Variants in LGALS1 observed in about 807,000 individuals in gnomAD.
LGALS1 encodes galectin-1.
Under a neutral mutation model 14.4 loss-of-function variants are expected in LGALS1, and 14 were observed. The ratio of observed to expected loss-of-function variants is 0.97; its 90% CI spans 0.64 to 1.52. The LOEUF (loss-of-function observed/expected upper bound fraction) is 1.52. Among genes scored for constraint, LGALS1 ranks in the 40% most tolerant of loss-of-function variants. The pLI, the probability that LGALS1 is intolerant of heterozygous loss-of-function variation, is 0.00. For missense variants in LGALS1, 170 were observed against 181.4 expected, an observed-to-expected ratio of 0.94 and a Z score of 0.36; for synonymous variants, 71 against 73.4, an observed-to-expected ratio of 0.97 and a Z score of 0.17.
chr22:37,679,405 T>G (rs1921555526), intron 3 of LGALS1, among the ~76,000 whole-genome samples, 198 bp from the exon 4 acceptor site: 1 of 149,056 alleles, frequency 6.7e-6, no homozygotes, highest in African/African-American at 2.5e-5. Context: ...TACTCCAGCC[T>G]GGGCGACAGA....
At chr22:37,679,561 C>A in intron 3 of LGALS1, 42 bp from the exon 4 acceptor site, 4 of 1,534,992 alleles carry the variant, frequency 2.6e-6, no homozygotes, top group Non-Finnish European at 3.5e-6. Context: ...TGGAAGGGCC[C>A]ATGGCATGTG....
intron 1 of LGALS1, 143 bp from the exon 2 acceptor site, chr22:37,676,843 A>G (rs756439699): frequency 9.9e-6 from 8 of 810,320 alleles, no homozygotes; most frequent in African/African-American, 1.7e-5. Flanking sequence ...TTACAGCTCA[A>G]TCCTTTCCCC....
intron 1 of LGALS1, chr22:37,676,232 G>GT (rs1921422886): frequency 6.5e-6 from 1 of 152,746 alleles, no homozygotes; most frequent in Non-Finnish European, 1.5e-5. Context: ...TGGCGGGGGG[G>GT]GCGGGGGAAA....
intron 2 of LGALS1, 169 bp from the exon 3 acceptor site, chr22:37,678,314 G>C (rs1379771226): frequency 5.3e-6 from 4 of 753,750 alleles, no homozygotes; most frequent in Admixed American, 4.0e-5. Context: ...GCAAACAGGG[G>C]AAGAGGGGCA....
chr22:37,678,694 TGGGTGGGCTGG>T, intron 3 of LGALS1, 40 bp downstream of exon 3: 1 of 136,620 alleles, frequency 7.3e-6, no homozygotes, highest in Non-Finnish European at 1.4e-5. Flanking sequence ...GGACAGGGGC[TGGGTGGGCTGG>T]GGCGGGGCTG....
At chr22:37,678,282 G>T in intron 2 of LGALS1, 1 of 709,592 alleles carries the variant, frequency 1.4e-6, no homozygotes. Context: ...GCCCTCCTGT[G>T]CAGCCCCCAT....
intron 2 of LGALS1, chr22:37,677,291 G>A (rs1358703982): frequency 5.4e-6 from 3 of 560,468 alleles, no homozygotes; most frequent in African/African-American, 3.8e-5. Flanking sequence ...AACTAAACCA[G>A]CTGCAGCCTC....
intron 1 of LGALS1, 142 bp downstream of exon 1, chr22:37,675,853 GC>G: frequency 1.5e-6 from 1 of 660,722 alleles, no homozygotes; most frequent in Non-Finnish European, 2.4e-6. Context: ...GACCTCAGTG[GC>G]CACATCTGTA....
intron 1 of LGALS1, 177 bp from the exon 2 acceptor site, chr22:37,676,809 A>G: frequency 1.4e-6 from 1 of 716,526 alleles, no homozygotes; most frequent in Non-Finnish European, 2.6e-6. Context: ...TCCCAGGACC[A>G]CATAGACAAT....
At chr22:37,676,828 G>C (rs750925318) in intron 1 of LGALS1, 158 bp from the exon 2 acceptor site, 57 of 766,048 alleles carry the variant, frequency 7.4e-5, no homozygotes. Context: ...ATCGGAGGCT[G>C]GAAATTACAG....
In LGALS1 at chr22:37,675,687, C is replaced by G. The variant is rs780208304; in HGVS notation, c.-16C>G. The G allele has an allele frequency of 1.3e-6, 2 of 1,549,360 alleles. No individual in the cohort carries two copies. The highest frequency in any genetic ancestry group is 2.4e-5 in the South Asian group (2 of 83,844). On this transcript the variant is annotated 5_prime_UTR_variant, in exon 1 of 4. In the 5' UTR this introduces an upstream ATG that the reference lacks. Coordinates refer to ENST00000215909, the MANE Select transcript of LGALS1 (RefSeq NM_002305.4). ...AGCTGGTGCGCCTGCCCGGGAACAT[C>G]CTCCTGGACTCAATCATGGCTTGTG...
intron 2 of LGALS1, chr22:37,677,279 T>C: frequency 1.7e-6 from 1 of 578,952 alleles, no homozygotes; most frequent in Non-Finnish European, 3.1e-6. Flanking sequence ...TGTAGCCTCT[T>C]AAACTAAACC....
At chr22:37,677,116 A>T (rs1267283034) in intron 2 of LGALS1, 51 bp downstream of exon 2, 1 of 1,579,806 alleles carries the variant, frequency 6.3e-7, no homozygotes, top group Admixed American at 1.7e-5. Context: ...TTGGTCCAGC[A>T]GGGAGGGCGT....
rs370290813 is a variant in LGALS1, at chr22:37,678,538, C to T, written c.145C>T (p.Arg49Cys). ...CAACCTGTGCCTGCACTTCAACCCT[C>T]GCTTCAACGCCCACGGCGACGCCAA... ...SNNLCLHFNP[R>C]FNAHGDANTI... Residue 49 changes from arginine (R) to cysteine (C), a missense_variant, in exon 3 of 4, where the codon CGC becomes TGC. Transcript: ENST00000215909. The T allele has an allele frequency of 1.5e-5, 24 of 1,613,652 alleles. 1 individual carries two copies. The highest frequency in any genetic ancestry group is 8.0e-5 in the African/African-American group (6 of 75,072).
rs1296490309 is a variant in LGALS1 at position 37,675,835 on chromosome 22, C to A, written c.9+124C>A. The stretch of plus-strand genomic sequence containing the variant: ...GTGTGGCCTGGAACCAGTGCCTTCT[C>A]TTTTCTGGACCTCAGTGGCCACATC... On this transcript the variant is annotated intron_variant, in intron 1 of 3. Coordinates refer to ENST00000215909, the MANE Select transcript of LGALS1 (RefSeq NM_002305.4). The A allele has an allele frequency of 3.6e-6, 3 of 828,802 alleles. No homozygotes were observed. In the East Asian group the frequency reaches 9.6e-5, roughly 26 times the overall value. 51.3% of individuals were successfully genotyped at this position (828,802 alleles called of 1,614,324 possible).
chr22:37,678,269 C>T lies in LGALS1; in HGVS notation c.90-214C>T, dbSNP rs557724924. Reference sequence around the variant, plus strand: ...GATGCTAATGACTTCAAGAATCAAGCGAGCCCTCCTGTGCAGCCCCCATTG... The same window carrying T: ...GATGCTAATGACTTCAAGAATCAAGTGAGCCCTCCTGTGCAGCCCCCATTG... On this transcript the variant is annotated intron_variant, in intron 2 of 3. Coordinates refer to ENST00000215909, the MANE Select transcript of LGALS1 (RefSeq NM_002305.4). The T allele has an allele frequency of 8.6e-5, 59 of 689,706 alleles. No individual in the cohort carries two copies. In the East Asian group the frequency reaches 1.6e-3, roughly 19 times the overall value. 42.7% of individuals were successfully genotyped at this position (689,706 alleles called of 1,614,324 possible). A position where few individuals can be genotyped will look rare whatever the true frequency, so the allele number is the denominator to read the frequency against.
Position 37,677,037 on chromosome 22 carries a change from C to A in LGALS1, c.61C>A (p.Arg21=). The A allele has an allele frequency of 6.2e-7, 1 of 1,614,006 alleles. No individual in the cohort carries two copies. Among genetic ancestry groups the A allele is most frequent in the Non-Finnish European group, 8.5e-7 (1 of 1,179,982 alleles). ...NLKPGECLRV[R]GEVAPDAKSF... is the part of the protein sequence containing the mutation. Reference sequence around the variant, plus strand: ...CAAACCTGGAGAGTGCCTTCGAGTGCGAGGCGAGGTGGCTCCTGACGCTAA... The same window carrying A: ...CAAACCTGGAGAGTGCCTTCGAGTGAGAGGCGAGGTGGCTCCTGACGCTAA... The change falls in exon 2 of 4, where the codon CGA becomes AGA. Residue 21 remains arginine (R), a synonymous_variant. Coordinates refer to ENST00000215909, the MANE Select transcript of LGALS1 (RefSeq NM_002305.4).
chr22:37,678,779 T>G (rs1207765031), intron 3 of LGALS1, 125 bp downstream of exon 3: 7 of 912,896 alleles, frequency 7.7e-6, no homozygotes, highest in Middle Eastern at 6.8e-4. Context: ...CCTTCCTGTG[T>G]GATGGCCAGT....
intron 1 of LGALS1, among the ~76,000 whole-genome samples, chr22:37,676,454 C>A (rs1921430926): frequency 6.6e-6 from 1 of 152,214 alleles, no homozygotes; most frequent in Non-Finnish European, 1.5e-5. Context: ...AGCCCGACTG[C>A]AGGGCTATTC....
Sources: gnomAD v4.1 joint callset for allele counts (sites outside exome capture counted in the v4.1 genomes callset) on GRCh38, gnomAD v4.1.1 for gene constraint, MANE v1.5 for transcripts, NCBI Gene and HGNC (gene_info 2026-07-23, HGNC 2026-07-21) for gene names.